Variants in ARIH2 observed in about 807,000 individuals in gnomAD.
The protein encoded by ARIH2 is ariadne RBR E3 ubiquitin protein ligase 2.
ARIH2 carries 12 observed loss-of-function variants against 79.8 expected under a neutral mutation model. That is an observed-to-expected ratio of 0.15 (90% CI 0.10 to 0.24). The LOEUF (loss-of-function observed/expected upper bound fraction) is 0.24, where lower values mean the gene tolerates loss of function less well. Among genes scored for constraint, ARIH2 ranks in the 10% least tolerant of loss-of-function variants. ARIH2 has a pLI of 1.00. For synonymous variants in ARIH2, 224 were observed against 213.9 expected (o/e 1.05, Z -0.41); for missense variants, 301 against 618.3 (o/e 0.49, Z 5.44).
intron 3 of ARIH2, among the ~76,000 whole-genome samples, chr3:48,929,325 G>T (rs1039439727): frequency 6.6e-6 from 1 of 151,738 alleles, no homozygotes; most frequent in African/African-American, 2.4e-5. Context: ...CCGTCCGTCC[G>T]TCCGTCCTTC....
rs142848551 is a variant in ARIH2, at chr3:48,959,054, C to T, written c.256-2558C>T. On this transcript the variant is annotated intron_variant, in intron 3 of 15. Transcript: ENST00000356401. ...AAAATAGGCCGAGCGCGGTGGCTCA[C>T]GCCTGTAATCCCAGCACTTTGGGAG... Among the ~76,000 whole-genome samples, 227 of 151,896 alleles carry T rather than the reference C, an allele frequency of 1.5e-3. 2 individuals are homozygous for T. Among genetic ancestry groups the T allele is most frequent in the Middle Eastern group, 3.4e-3 (1 of 292 alleles).
At chr3:48,979,766 T>A in intron 12 of ARIH2, 133 bp downstream of exon 12, 2 of 917,580 alleles carry the variant, frequency 2.2e-6, no homozygotes, top group South Asian at 3.4e-5. Context: ...TCCTGCAGTA[T>A]CCCTGGTGCT....
intron 13 of ARIH2, among the ~76,000 whole-genome samples, chr3:48,980,828 C>G (rs1268864550): frequency 6.6e-6 from 1 of 151,748 alleles, no homozygotes; most frequent in African/African-American, 2.4e-5. Flanking sequence ...TGAGACCAGC[C>G]TGGCCAACAT....
chr3:48,919,178 CGT>C (rs1471106216), intron 1 of ARIH2, 180 bp downstream of exon 1: 5 of 1,297,764 alleles, frequency 3.9e-6, no homozygotes, highest in Non-Finnish European at 3.9e-6. Flanking sequence ...GGGCGCCCAG[CGT>C]GTGTCTGCCT....
chr3:48,980,223 C>A, intron 12 of ARIH2, 130 bp from the exon 13 acceptor site: 2 of 912,182 alleles, frequency 2.2e-6, no homozygotes, highest in Non-Finnish European at 1.7e-6. Context: ...CCTGCTCTTG[C>A]ACTTTGGGGA....
intron 12 of ARIH2, 192 bp downstream of exon 12, chr3:48,979,825 A>C: frequency 1.8e-6 from 1 of 549,060 alleles, no homozygotes; most frequent in Non-Finnish European, 3.1e-6. Context: ...TCCCCAGCCA[A>C]CAGGGAAGGA....
chr3:48,958,603 GGGA>G (rs2090882463), intron 3 of ARIH2, among the ~76,000 whole-genome samples: 1 of 152,038 alleles, frequency 6.6e-6, no homozygotes, highest in African/African-American at 2.4e-5. Flanking sequence ...CCAGCTACTT[GGGA>G]GGCTGAGGCA....
Position 48,980,890 on chromosome 3 carries a change from G to A in ARIH2, c.1257+394G>A, listed in dbSNP as rs187227394. 5.1e-3 allele frequency among the ~76,000 whole-genome samples: 767 copies of A among 151,072 alleles called. 3 individuals are homozygous for A. Among genetic ancestry groups the A allele is most frequent in the Middle Eastern group, 0.024 (7 of 292 alleles). On this transcript the variant is annotated intron_variant, in intron 13 of 15. Coordinates refer to ENST00000356401, the MANE Select transcript of ARIH2 (RefSeq NM_006321.4). ...ACAAAAATTAGCTGGGCATGGTGGT[G>A]CATGCCTGTAGTTCCAGCTACTTGG...
chr3:48,925,894 A>G (rs2085522235), intron 2 of ARIH2, among the ~76,000 whole-genome samples: 1 of 151,732 alleles, frequency 6.6e-6, no homozygotes, highest in Non-Finnish European at 1.5e-5. Context: ...TAATTTTTGT[A>G]TTTTTAGTAG....
At chr3:48,957,052 A>G (rs1283389003) in intron 3 of ARIH2, among the ~76,000 whole-genome samples, 2 of 152,206 alleles carry the variant, frequency 1.3e-5, no homozygotes, top group Non-Finnish European at 2.9e-5. Flanking sequence ...TGTTGCCATT[A>G]AAAGAATAGA....
chr3:48,965,014 C>G lies in ARIH2; in HGVS notation c.387+32C>G. 10 of 1,596,266 alleles carry G rather than the reference C, an allele frequency of 6.3e-6. No homozygotes were observed. In the South Asian group the frequency reaches 9.9e-5, roughly 16 times the overall value. On this transcript the variant is annotated intron_variant, in intron 5 of 15. Transcript: ENST00000356401. ...GTCTATTACTTGAATGAGGCTTCTC[C>G]TAATTGCATGTGGTTCTTGCTTTGG...
At chr3:48,966,025 C>T (rs907749275) in intron 5 of ARIH2, among the ~76,000 whole-genome samples, 1 of 152,120 alleles carries the variant, frequency 6.6e-6, no homozygotes, top group Non-Finnish European at 1.5e-5. Flanking sequence ...CCTGGAAACT[C>T]ACCTAATTAT....
At chr3:48,936,814 G>A (rs930590963) in intron 3 of ARIH2, among the ~76,000 whole-genome samples, 2 of 152,056 alleles carry the variant, frequency 1.3e-5, no homozygotes, top group African/African-American at 4.8e-5. Context: ...CGGATCACGA[G>A]GTCAGGAGAT....
chr3:48,969,199 C>T (rs1219702906), intron 7 of ARIH2, among the ~76,000 whole-genome samples: 3 of 148,378 alleles, frequency 2.0e-5, no homozygotes, highest in African/African-American at 5.0e-5. Flanking sequence ...TTTTTTTAAC[C>T]TCTGAGTCTT....
chr3:48,967,959 C>T (rs2091908575), intron 6 of ARIH2: 2 of 151,532 alleles, frequency 1.3e-5, no homozygotes, highest in Admixed American at 6.6e-5. Context: ...GATTTGTTGA[C>T]AGAACTAGGT....
At position 48,948,264 on chromosome 3, in the gene ARIH2, T is replaced by TTTTTA. The variant is rs1284876996; in HGVS notation, c.256-13333_256-13329dup. Among the ~76,000 whole-genome samples, 14 of 146,150 alleles carry TTTTTA rather than the reference T, an allele frequency of 9.6e-5. No individual in the cohort carries two copies. The East Asian group carries it at 2.3e-3, about 24-fold the overall frequency. On this transcript the variant is annotated intron_variant, in intron 3 of 15. Transcript: ENST00000356401. ...GCGTGAGCCACTGCGCCCGGCCTCC[T>TTTTTA]TTTTATTTTATTTTATTTTTTGAGA...
At chr3:48,928,141 G>T (rs1388749651) in intron 3 of ARIH2, among the ~76,000 whole-genome samples, 1 of 152,170 alleles carries the variant, frequency 6.6e-6, no homozygotes, top group African/African-American at 2.4e-5. Flanking sequence ...ATTTTATGAG[G>T]TTGATACAAT....
rs767160957 is a variant in ARIH2 at position 48,974,883 on chromosome 3, T to C, written c.939+16T>C. ...CAATCACATGGTGAGCAGAAGCCTC[T>C]GCAGTTTGCATGTGTGACATGGAAG... On this transcript the variant is annotated intron_variant, in intron 10 of 15. Transcript: ENST00000356401. The C allele has an allele frequency of 2.5e-6, 4 of 1,614,204 alleles. No individual in the cohort carries two copies. The highest frequency in any genetic ancestry group is 2.5e-6 in the Non-Finnish European group (3 of 1,180,034).
intron 13 of ARIH2, 86 bp from the exon 14 acceptor site, chr3:48,981,574 T>C (rs2092753602): frequency 9.0e-7 from 1 of 1,107,282 alleles, no homozygotes. Flanking sequence ...AATTTGCATG[T>C]TGAGGGTAGG....
Sources: gnomAD v4.1 joint callset for allele counts (sites outside exome capture counted in the v4.1 genomes callset) on GRCh38, gnomAD v4.1.1 for gene constraint, MANE v1.5 for transcripts, NCBI Gene and HGNC (gene_info 2026-07-23, HGNC 2026-07-21) for gene names.